SNTB1: variants seen among roughly 807,000 people sequenced by gnomAD.
SNTB1 encodes the protein syntrophin beta 1.
Under a neutral mutation model 48.9 loss-of-function variants are expected in SNTB1, and 36 were observed. The observed-to-expected ratio is 0.74, with a 90% confidence interval of 0.56 to 0.97. SNTB1 has a LOEUF of 0.97. Among genes scored for constraint, SNTB1 ranks in the 50% least tolerant of loss-of-function variants. SNTB1 has a pLI of 0.00. For missense variants in SNTB1, 786 were observed against 703.4 expected, an observed-to-expected ratio of 1.12 and a Z score of -1.33; for synonymous variants, 299 against 294.6, an observed-to-expected ratio of 1.01 and a Z score of -0.15.
At chr8:120,764,232 C>T (rs1819477302) in intron 1 of SNTB1, among the ~76,000 whole-genome samples, 1 of 152,050 alleles carries the variant, frequency 6.6e-6, no homozygotes, top group African/African-American at 2.4e-5. Context: ...ATGGTATATC[C>T]ATGCAATGAT....
intron 4 of SNTB1, among the ~76,000 whole-genome samples, chr8:120,556,003 T>TG (rs746236908): frequency 5.9e-5 from 9 of 152,174 alleles, no homozygotes; most frequent in Non-Finnish European, 1.2e-4. Flanking sequence ...TGTCTGTTGT[T>TG]GGCACCACCC....
At chr8:120,674,712 GAAAA>G (rs375291299) in intron 2 of SNTB1, among the ~76,000 whole-genome samples, 45 of 152,152 alleles carry the variant, frequency 3.0e-4, no homozygotes, top group African/African-American at 1.1e-3. Flanking sequence ...CAAGATTGGA[GAAAA>G]AAAGAAGGTT....
chr8:120,664,107 G>A lies in SNTB1; in HGVS notation c.788+29585C>T, dbSNP rs141940084. Among the ~76,000 whole-genome samples the A allele has an allele frequency of 2.3e-3, 349 of 152,272 alleles. 5 individuals carry two copies. The highest frequency in any genetic ancestry group is 7.8e-3 in the African/African-American group (322 of 41,522). On this transcript the variant is annotated intron_variant, in intron 2 of 6. Transcript: ENST00000517992. ...ATAATTATAATACATGGCAGAACAG[G>A]TGTGCCATTCAGGAAGCACAGCATA...
intron 2 of SNTB1, chr8:120,636,729 A>G (rs1351807067): frequency 6.6e-6 from 1 of 152,276 alleles, no homozygotes; most frequent in Non-Finnish European, 1.5e-5. Context: ...TTATAGCAGC[A>G]TGATTTATAA....
At chr8:120,578,710 G>A (rs1815989025) in intron 3 of SNTB1, among the ~76,000 whole-genome samples, 2 of 152,300 alleles carry the variant, frequency 1.3e-5, no homozygotes, top group Admixed American at 1.3e-4. Context: ...TGAGAGGAAA[G>A]GTTTACAAAA....
At chr8:120,712,421 A>G (rs1365164672) in intron 1 of SNTB1, among the ~76,000 whole-genome samples, 1 of 124,178 alleles carries the variant, frequency 8.1e-6, no homozygotes. Context: ...TCTCAAAAAA[A>G]AAAAAAAAAA....
intron 3 of SNTB1, among the ~76,000 whole-genome samples, chr8:120,606,825 A>G (rs1407319086): frequency 6.6e-6 from 1 of 152,236 alleles, no homozygotes; most frequent in African/African-American, 2.4e-5. Context: ...AGAAACCACA[A>G]AAAACATTAT....
chr8:120,761,691 AC>A, intron 1 of SNTB1, among the ~76,000 whole-genome samples: 1 of 152,352 alleles, frequency 6.6e-6, no homozygotes, highest in East Asian at 1.9e-4. Flanking sequence ...TTGACCATAT[AC>A]ATATGGGGTG....
intron 2 of SNTB1, among the ~76,000 whole-genome samples, chr8:120,639,996 C>T (rs1335198625): frequency 6.6e-6 from 1 of 151,836 alleles, no homozygotes; most frequent in African/African-American, 2.4e-5. Flanking sequence ...GATATTGATT[C>T]TTCCTATCCA....
chr8:120,763,398 G>A (rs531514815), intron 1 of SNTB1, among the ~76,000 whole-genome samples: 2 of 152,250 alleles, frequency 1.3e-5, no homozygotes, highest in East Asian at 1.9e-4. Context: ...TTTCTTCCAG[G>A]AGAAGCTGAA....
rs1818968819 is a variant in SNTB1, at chr8:120,737,516, A to G, written c.572-43608T>C. Among the ~76,000 whole-genome samples, 6 of 152,224 alleles carry G rather than the reference A, an allele frequency of 3.9e-5. No individual in the cohort carries two copies. The South Asian group carries it at 1.2e-3, about 32-fold the overall frequency. On this transcript the variant is annotated intron_variant, in intron 1 of 6. Coordinates refer to ENST00000517992, the MANE Select transcript of SNTB1 (RefSeq NM_021021.4). Reference sequence around the variant, plus strand: ...TGTCCAACTCTGACATATCTTATGAACTAGCAATTTTTGATAGAAGAAAAT... The same window carrying G: ...TGTCCAACTCTGACATATCTTATGAGCTAGCAATTTTTGATAGAAGAAAAT...
chr8:120,695,657 C>G (rs1249874910), intron 1 of SNTB1, among the ~76,000 whole-genome samples: 1 of 152,148 alleles, frequency 6.6e-6, no homozygotes, highest in Non-Finnish European at 1.5e-5. Flanking sequence ...GCACGAAAGA[C>G]AGTTCAGGTT....
At chr8:120,640,523 A>G (rs1354373986) in intron 2 of SNTB1, among the ~76,000 whole-genome samples, 4 of 152,068 alleles carry the variant, frequency 2.6e-5, no homozygotes, top group Admixed American at 2.0e-4. Flanking sequence ...GTTTGTCATA[A>G]ATAGCTCTTA....
intron 3 of SNTB1, among the ~76,000 whole-genome samples, chr8:120,622,296 C>T (rs1816806902): frequency 6.6e-6 from 1 of 152,152 alleles, no homozygotes; most frequent in African/African-American, 2.4e-5. Context: ...TCTAGAATTA[C>T]AGCTTCACCT....
At chr8:120,684,655 A>AAAT (rs1554652905) in intron 2 of SNTB1, among the ~76,000 whole-genome samples, 1 of 141,710 alleles carries the variant, frequency 7.1e-6, no homozygotes, top group Admixed American at 7.0e-5. Flanking sequence ...CAAAAATTGA[A>AAAT]TTTTTTTTTT....
intron 1 of SNTB1, among the ~76,000 whole-genome samples, chr8:120,754,811 G>T (rs1333651832): frequency 6.6e-6 from 1 of 152,116 alleles, no homozygotes; most frequent in East Asian, 1.9e-4. Context: ...ATGAGTTTAA[G>T]AATTCAATTA....
chr8:120,565,795 C>G (rs1320498041), intron 4 of SNTB1, among the ~76,000 whole-genome samples: 1 of 152,130 alleles, frequency 6.6e-6, no homozygotes, highest in East Asian at 1.9e-4. Flanking sequence ...ACGTCTGTGT[C>G]CCCCCAAAAT....
At position 120,538,798 on chromosome 8, in the gene SNTB1, C is replaced by T. The variant is rs1815238286; in HGVS notation, c.*79G>A. ...AGCACGCTACATCTGGTGCGCTGCT[C>T]ACTACAGATGGTGTCTGACATCACG... On this transcript the variant is annotated 3_prime_UTR_variant, in exon 7 of 7. Transcript: ENST00000517992. 3 of 1,141,910 alleles carry T rather than the reference C, an allele frequency of 2.6e-6. No homozygotes were observed. In the Admixed American group the frequency reaches 5.1e-5, roughly 19 times the overall value. The allele number at this position is 1,141,910 out of a possible 1,614,324, so 70.7% of individuals were successfully genotyped here.
chr8:120,720,119 G>T (rs1403817384), intron 1 of SNTB1, among the ~76,000 whole-genome samples: 1 of 152,202 alleles, frequency 6.6e-6, no homozygotes, highest in Non-Finnish European at 1.5e-5. Context: ...ATGAGGAAAA[G>T]CTCACTATCT....
Sources: gnomAD v4.1 joint callset for allele counts (sites outside exome capture counted in the v4.1 genomes callset) on GRCh38, gnomAD v4.1.1 for gene constraint, MANE v1.5 for transcripts, NCBI Gene and HGNC (gene_info 2026-07-23, HGNC 2026-07-21) for gene names.